EBF2: variants seen among roughly 807,000 people sequenced by gnomAD.
The protein encoded by EBF2 is EBF transcription factor 2.
Under a neutral mutation model 72.8 loss-of-function variants are expected in EBF2, and 21 were observed. That is an observed-to-expected ratio of 0.29 (90% CI 0.20 to 0.42). The LOEUF is 0.42. EBF2 is among the 10% of genes least tolerant of loss of function. EBF2 has a pLI of 1.00. For synonymous variants in EBF2, 299 were observed against 274.2 expected (o/e 1.09, Z -0.89); for missense variants, 637 against 731.2 (o/e 0.87, Z 1.49).
intron 6 of EBF2, among the ~76,000 whole-genome samples, chr8:26,023,026 G>A (rs377132451): frequency 8.5e-5 from 13 of 152,240 alleles, no homozygotes; most frequent in African/African-American, 2.4e-4. Flanking sequence ...CTAAATCTGC[G>A]AATCATCTGT....
intron 6 of EBF2, among the ~76,000 whole-genome samples, chr8:25,949,301 G>A (rs1803819724): frequency 6.6e-6 from 1 of 152,190 alleles, no homozygotes; most frequent in Admixed American, 6.5e-5. Context: ...GCTACGTCAT[G>A]CTGTCTTCCC....
At chr8:25,909,865 A>G (rs1180079839) in intron 6 of EBF2, among the ~76,000 whole-genome samples, 3 of 152,166 alleles carry the variant, frequency 2.0e-5, no homozygotes, top group Admixed American at 6.5e-5. Flanking sequence ...ATTTGGCCAC[A>G]TGCTCCCATG....
At chr8:26,027,292 A>G (rs1052403246) in intron 6 of EBF2, among the ~76,000 whole-genome samples, 2 of 152,102 alleles carry the variant, frequency 1.3e-5, no homozygotes, top group Admixed American at 6.6e-5. Context: ...ATCCAAACAT[A>G]TGCTTCAGTA....
At chr8:25,859,837 C>G (rs1401467315) in intron 13 of EBF2, among the ~76,000 whole-genome samples, 2 of 151,918 alleles carry the variant, frequency 1.3e-5, no homozygotes, top group African/African-American at 4.8e-5. Context: ...CCACCTCAAC[C>G]TCCCAAATAG....
intron 6 of EBF2, among the ~76,000 whole-genome samples, chr8:25,927,013 C>T (rs973450505): frequency 2.6e-5 from 4 of 152,176 alleles, no homozygotes; most frequent in Non-Finnish European, 4.4e-5. Context: ...TGGGTTCTAG[C>T]ACCCAGTTAC....
chr8:26,031,233 G>A (rs1314898468), intron 6 of EBF2, among the ~76,000 whole-genome samples: 2 of 152,042 alleles, frequency 1.3e-5, no homozygotes, highest in African/African-American at 4.8e-5. Context: ...CAATCCACAG[G>A]CCGGAAAGGA....
intron 6 of EBF2, among the ~76,000 whole-genome samples, chr8:25,958,376 C>T (rs1385151166): frequency 6.6e-6 from 1 of 150,678 alleles, no homozygotes; most frequent in African/African-American, 2.4e-5. Context: ...ATAAATGCAC[C>T]TCCACTCATT....
intron 6 of EBF2, among the ~76,000 whole-genome samples, chr8:25,917,679 G>A (rs1292907672): frequency 6.6e-6 from 1 of 152,158 alleles, no homozygotes; most frequent in African/African-American, 2.4e-5. Context: ...GGGTGAAGGA[G>A]AGAAATGAAG....
At chr8:25,852,958 C>G (rs1585258127) in intron 14 of EBF2, among the ~76,000 whole-genome samples, 2 of 152,106 alleles carry the variant, frequency 1.3e-5, no homozygotes, top group African/African-American at 4.8e-5. Context: ...CAGAAATAGG[C>G]AGACAAATCT....
At chr8:25,859,903 C>T (rs1001621840) in intron 13 of EBF2, among the ~76,000 whole-genome samples, 7 of 151,734 alleles carry the variant, frequency 4.6e-5, no homozygotes, top group Admixed American at 3.9e-4. Context: ...TTTTTGTAGA[C>T]ACAGGGTTTC....
intron 1 of EBF2, among the ~76,000 whole-genome samples, chr8:26,043,273 G>C (rs986275168): frequency 6.6e-6 from 1 of 152,250 alleles, no homozygotes; most frequent in Non-Finnish European, 1.5e-5. Context: ...TGCGGCGCTG[G>C]GGTCTCCCAG....
chr8:25,899,773 C>T (rs1164280051), intron 7 of EBF2, among the ~76,000 whole-genome samples: 3 of 152,124 alleles, frequency 2.0e-5, no homozygotes, highest in Admixed American at 6.5e-5. Flanking sequence ...TTGTCAGAGC[C>T]ATTCATTTGC....
At chr8:25,866,637 T>TATA (rs1563381533) in intron 10 of EBF2, among the ~76,000 whole-genome samples, 3 of 72,522 alleles carry the variant, frequency 4.1e-5, no homozygotes, top group Middle Eastern at 6.8e-3. Context: ...ATATATATAT[T>TATA]TTTTTTTTTT....
At chr8:26,040,130 A>G in intron 4 of EBF2, 29 bp from the exon 5 acceptor site, 18 of 1,605,096 alleles carry the variant, frequency 1.1e-5, no homozygotes, top group Non-Finnish European at 1.5e-5. Flanking sequence ...CAGGAAAGGA[A>G]GATGTGGAGA....
chr8:25,864,263 ATT>A lies in EBF2; in HGVS notation c.1010-1468_1010-1467del, dbSNP rs575544340. 7.8e-3 allele frequency among the ~76,000 whole-genome samples: 1,190 copies of A among 151,966 alleles called. 11 individuals are homozygous for A. The highest frequency in any genetic ancestry group is 0.013 in the Non-Finnish European group (879 of 67,922). The stretch of plus-strand genomic sequence containing the variant: ...AATGCGTGTGCTCATTTTAACTTAC[ATT>A]TTTTTACTCACCAGTGAGGTTGAAG... On this transcript the variant is annotated intron_variant, in intron 10 of 15. Transcript: ENST00000520164.
intron 7 of EBF2, among the ~76,000 whole-genome samples, chr8:25,907,031 G>A (rs147474661): frequency 1.7e-3 from 266 of 152,010 alleles, no homozygotes; most frequent in Middle Eastern, 0.014. Flanking sequence ...CTAAACATCT[G>A]TCTGATTGTG....
intron 6 of EBF2, among the ~76,000 whole-genome samples, chr8:25,977,443 C>T (rs1022743170): frequency 3.5e-4 from 53 of 152,172 alleles, no homozygotes; most frequent in Admixed American, 2.0e-3. Context: ...CAGAGGGGTG[C>T]TTGATAAAGG....
intron 6 of EBF2, among the ~76,000 whole-genome samples, chr8:25,955,764 G>T (rs1009549964): frequency 7.2e-6 from 1 of 138,852 alleles, no homozygotes; most frequent in Admixed American, 7.5e-5. Flanking sequence ...GTCTAGGTTT[G>T]CCCCTTGAAA....
intron 6 of EBF2, among the ~76,000 whole-genome samples, chr8:25,954,508 A>G (rs1803912903): frequency 6.6e-6 from 1 of 152,246 alleles, no homozygotes; most frequent in Non-Finnish European, 1.5e-5. Context: ...CTTGGCTTTC[A>G]CAAATGCCTC....
Sources: allele counts gnomAD v4.1 joint callset (sites outside exome capture counted in the v4.1 genomes callset), GRCh38; gene constraint gnomAD v4.1.1; transcripts MANE v1.5; gene names NCBI Gene and HGNC (gene_info 2026-07-23, HGNC 2026-07-21).